The following MCOLN2 variants were observed in gnomAD, a reference collection of about 807,000 sequenced individuals.
MCOLN2 encodes mucolipin-2.
A neutral mutation model predicts 67.5 loss-of-function variants in MCOLN2; 57 were observed. That is an observed-to-expected ratio of 0.84 (90% confidence interval 0.68 to 1.05). MCOLN2 has a LOEUF of 1.05. Among genes scored for constraint, MCOLN2 ranks in the 50% least tolerant of loss-of-function variants. The pLI is 0.00. For missense variants in MCOLN2, 620 were observed against 678.8 expected (o/e 0.91, Z 0.96); for synonymous variants, 246 against 233.3 (o/e 1.05, Z -0.50).
chr1:84,983,217 C>A (rs954371923), intron 1 of MCOLN2, among the ~76,000 whole-genome samples: 2 of 152,116 alleles, frequency 1.3e-5, no homozygotes, highest in Admixed American at 1.3e-4. Flanking sequence ...AACTCCCCAC[C>A]ACCTTTATTT....
In MCOLN2 at chr1:84,958,712, A is replaced by C; in HGVS notation, c.238-10T>G. 1 of 1,559,908 alleles carries C rather than the reference A, an allele frequency of 6.4e-7. No individual in the cohort carries two copies. The highest frequency in any genetic ancestry group is 8.6e-7 in the Non-Finnish European group (1 of 1,158,746). Reference sequence around the variant, plus strand: ...AACCAAAACGAACAAGCTAAAAAATAAAATAAAATAGAAACACATGAATTA... The same window carrying C: ...AACCAAAACGAACAAGCTAAAAAATCAAATAAAATAGAAACACATGAATTA... On this transcript the variant is annotated splice_polypyrimidine_tract_variant and intron_variant, in intron 2 of 13. Transcript: ENST00000370608.
At chr1:84,973,640 A>G (rs1358064366) in intron 1 of MCOLN2, among the ~76,000 whole-genome samples, 2 of 152,202 alleles carry the variant, frequency 1.3e-5, no homozygotes, top group East Asian at 3.8e-4. Context: ...GGCCCACTTA[A>G]GCATTTTTAG....
intron 9 of MCOLN2, 39 bp from the exon 10 acceptor site, chr1:84,938,121 A>C: frequency 2.1e-6 from 3 of 1,450,580 alleles, no homozygotes; most frequent in Non-Finnish European, 2.9e-6. Context: ...AATGAGTAAA[A>C]TATTTGACTC....
chr1:84,932,769 C>T (rs1484779575), intron 11 of MCOLN2, among the ~76,000 whole-genome samples: 1 of 152,168 alleles, frequency 6.6e-6, no homozygotes, highest in Non-Finnish European at 1.5e-5. Context: ...ACCCTTACTA[C>T]TCTACTGTGA....
chr1:84,981,699 G>A lies in MCOLN2; in HGVS notation c.77+15097C>T, dbSNP rs533452925. ...AGAGGTGGGGGATAAAGGGGCAGTA[G>A]GGATGGGTTAATGGGTACAAAGAGA... is the stretch of plus-strand genomic sequence containing the variant. On this transcript the variant is annotated intron_variant, in intron 1 of 13. Transcript: ENST00000370608. 5.9e-5 allele frequency among the ~76,000 whole-genome samples: 9 copies of A among 152,272 alleles called. No individual in the cohort carries two copies. In the East Asian group the frequency reaches 1.5e-3, roughly 26 times the overall value.
At chr1:84,956,617 T>C (rs1193219221) in intron 3 of MCOLN2, 33 bp from the exon 4 acceptor site, 1 of 1,541,636 alleles carries the variant, frequency 6.5e-7, no homozygotes, top group East Asian at 2.3e-5. Context: ...AAACCACATA[T>C]GACCTTTTAT....
chr1:84,927,261 GGTTT>G (rs1661209197), intron 13 of MCOLN2, among the ~76,000 whole-genome samples: 1 of 151,446 alleles, frequency 6.6e-6, no homozygotes, highest in Non-Finnish European at 1.5e-5. Context: ...TAAATACATT[GGTTT>G]GTTTCTGGAA....
intron 1 of MCOLN2, among the ~76,000 whole-genome samples, chr1:84,976,376 G>A (rs1649995590): frequency 1.3e-5 from 2 of 152,198 alleles, no homozygotes; most frequent in Admixed American, 1.3e-4. Context: ...CAAGAGTGAG[G>A]GGCATGACAT....
chr1:84,956,297 G>A, intron 4 of MCOLN2, 134 bp downstream of exon 4: 2 of 782,098 alleles, frequency 2.6e-6, no homozygotes, highest in Admixed American at 2.6e-5. Context: ...GCAGGCCAGT[G>A]TTGGAGTGTC....
At chr1:84,965,805 G>A in intron 1 of MCOLN2, 97 bp from the exon 2 acceptor site, 2 of 1,111,020 alleles carry the variant, frequency 1.8e-6, no homozygotes, top group Non-Finnish European at 2.6e-6. Flanking sequence ...GGTACATATG[G>A]CATGTCATAT....
At chr1:84,952,680 A>T (rs143092952) in intron 4 of MCOLN2, 150 bp from the exon 5 acceptor site, 1 of 615,970 alleles carries the variant, frequency 1.6e-6, no homozygotes, top group African/African-American at 1.8e-5. Context: ...GAAAAATGAT[A>T]GTAACCTCAC....
intron 1 of MCOLN2, among the ~76,000 whole-genome samples, chr1:84,977,469 C>T (rs1650049653): frequency 6.6e-6 from 1 of 151,240 alleles, no homozygotes; most frequent in South Asian, 2.1e-4. Context: ...AAAAAAAAAC[C>T]CACTGATCTG....
Position 84,996,977 on chromosome 1 carries a change from A to T in MCOLN2, c.-105T>A. 9.9e-7 allele frequency: 1 copy of T among 1,009,460 alleles called. No homozygotes were observed. Among genetic ancestry groups the T allele is most frequent in the Middle Eastern group, 2.9e-4 (1 of 3,408 alleles). 62.5% of individuals were successfully genotyped at this position (1,009,460 alleles called of 1,614,324 possible). On this transcript the variant is annotated 5_prime_UTR_variant, in exon 1 of 14. Transcript: ENST00000370608. ...GCCGTAACGCGTCCGCCGAAGTTGG[A>T]GCCCTGCAAAGCGGGGTTCCCTTCT...
At chr1:84,959,858 T>A (rs529169870) in intron 2 of MCOLN2, among the ~76,000 whole-genome samples, 5 of 152,298 alleles carry the variant, frequency 3.3e-5, no homozygotes, top group African/African-American at 9.6e-5. Context: ...ATATGATACA[T>A]CTGAACAATA....
chr1:84,982,087 TA>T (rs67794449), intron 1 of MCOLN2, among the ~76,000 whole-genome samples: 3 of 148,896 alleles, frequency 2.0e-5, no homozygotes, highest in Non-Finnish European at 3.0e-5. Context: ...TTTTTTTTTT[TA>T]AAAAAAAGAT....
chr1:84,987,208 CTATA>C (rs57305416), intron 1 of MCOLN2, among the ~76,000 whole-genome samples: 35,359 of 103,646 alleles, frequency 0.34, 4,505 homozygotes, highest in Middle Eastern at 0.43. Flanking sequence ...ATCTATCTAT[CTATA>C]TATATGGCAT....
At chr1:84,991,713 T>C (rs1334409913) in intron 1 of MCOLN2, among the ~76,000 whole-genome samples, 1 of 152,076 alleles carries the variant, frequency 6.6e-6, no homozygotes, top group Non-Finnish European at 1.5e-5. Flanking sequence ...TTCCTAAAAA[T>C]CACCTCTGAT....
chr1:84,947,760 C>T (rs1648195685), intron 6 of MCOLN2, among the ~76,000 whole-genome samples: 1 of 152,154 alleles, frequency 6.6e-6, no homozygotes, highest in Non-Finnish European at 1.5e-5. Flanking sequence ...CAGATGCTAA[C>T]AGAGTGTGTT....
At chr1:84,985,571 G>T (rs1450126403) in intron 1 of MCOLN2, among the ~76,000 whole-genome samples, 3 of 152,124 alleles carry the variant, frequency 2.0e-5, no homozygotes, top group Admixed American at 1.3e-4. Context: ...TCTCAAACCT[G>T]CCCTCCACCT....
Sources: allele counts gnomAD v4.1 joint callset (sites outside exome capture counted in the v4.1 genomes callset), GRCh38; gene constraint gnomAD v4.1.1; transcripts MANE v1.5; gene names NCBI Gene and HGNC (gene_info 2026-07-23, HGNC 2026-07-21).